TAF1B: variants seen among roughly 807,000 people sequenced by gnomAD.
TAF1B encodes TATA box-binding protein-associated factor RNA polymerase I subunit B.
In TAF1B, 61 loss-of-function variants were observed where a neutral mutation model predicts 83.9. That is an observed-to-expected ratio of 0.73 (90% CI 0.59 to 0.90). TAF1B has a LOEUF of 0.90. Ranked by LOEUF, TAF1B falls within the 40% of genes least tolerant of loss-of-function variation. The pLI is 0.00. For synonymous variants in TAF1B, 221 were observed against 224.6 expected (o/e 0.98, Z 0.14); for missense variants, 625 against 677.0 (o/e 0.92, Z 0.85).
chr2:9,856,674 T>C (rs1420102602), intron 5 of TAF1B, among the ~76,000 whole-genome samples: 1 of 152,222 alleles, frequency 6.6e-6, no homozygotes, highest in African/African-American at 2.4e-5. Flanking sequence ...CTCTGACATT[T>C]AAATATTTTT....
intron 8 of TAF1B, among the ~76,000 whole-genome samples, chr2:9,903,218 T>C (rs1436128170): frequency 6.6e-6 from 1 of 152,132 alleles, no homozygotes; most frequent in Middle Eastern, 3.2e-3. Flanking sequence ...CCCAAGTAGC[T>C]GGGACTACAG....
At chr2:9,927,713 G>A (rs1196266484) in intron 14 of TAF1B, among the ~76,000 whole-genome samples, 1 of 151,962 alleles carries the variant, frequency 6.6e-6, no homozygotes, top group Non-Finnish European at 1.5e-5. Context: ...CTTTTTGATG[G>A]GGTTGTTTTT....
rs751065285 is a variant in TAF1B at position 9,875,906 on chromosome 2, TCA to T, written c.598_599del (p.Gln200ThrfsTer39). ...CSGSLDGVEY[S>X]QRKEKGIVKM... ...TGGATCTCTGGATGGAGTTGAATAC[TCA>T]CAACGAAAGGAGAAGGGAATCGTGA... On this transcript the variant is annotated frameshift_variant, in exon 7 of 15. Coordinates refer to ENST00000263663, the MANE Select transcript of TAF1B (RefSeq NM_005680.3). LOFTEE classifies it high-confidence loss of function. 6.2e-7 allele frequency: 1 copy of T among 1,612,534 alleles called. No individual in the cohort carries two copies. Among genetic ancestry groups the T allele is most frequent in the Admixed American group, 1.7e-5 (1 of 60,012 alleles).
chr2:9,933,981 T>C lies in TAF1B; in HGVS notation c.1764T>C (p.His588=), dbSNP rs1304150155. ...CAAGATCCAAGAAAGTGAGACGACA[T>C]TGAGAAAATGAAATAGAAACTTTCT... is the stretch of plus-strand genomic sequence containing the variant. ...KKSRSKKVRR[H] The change falls in exon 15 of 15, where the codon CAT becomes CAC. Residue 588 remains histidine, a synonymous_variant. Coordinates refer to ENST00000263663, the MANE Select transcript of TAF1B (RefSeq NM_005680.3). 6.3e-7 allele frequency: 1 copy of C among 1,585,062 alleles called. No homozygotes were observed. The highest frequency in any genetic ancestry group is 1.4e-5 in the African/African-American group (1 of 73,292).
At chr2:9,849,347 T>C (rs1382193541) in intron 2 of TAF1B, 26 bp from the exon 3 acceptor site, 2 of 1,543,958 alleles carry the variant, frequency 1.3e-6, no homozygotes, top group Admixed American at 2.0e-5. Flanking sequence ...CGATCTTTTT[T>C]AATGGTCTTT....
At chr2:9,921,159 A>G (rs973594058) in intron 14 of TAF1B, among the ~76,000 whole-genome samples, 1 of 152,180 alleles carries the variant, frequency 6.6e-6, no homozygotes, top group Non-Finnish European at 1.5e-5. Flanking sequence ...TGGCACGATA[A>G]TGGCTCACTG....
intron 12 of TAF1B, among the ~76,000 whole-genome samples, chr2:9,918,693 A>T (rs934063600): frequency 3.3e-5 from 5 of 152,292 alleles, no homozygotes; most frequent in Admixed American, 3.3e-4. Flanking sequence ...GACAAAGGCA[A>T]TGAGGAACAG....
At chr2:9,868,220 A>T in intron 5 of TAF1B, 56 bp from the exon 6 acceptor site, 1 of 1,583,706 alleles carries the variant, frequency 6.3e-7, no homozygotes, top group Non-Finnish European at 8.6e-7. Context: ...AGTTCACAGA[A>T]ATTAACTGTT....
chr2:9,926,327 AAGTGGTTG>A (rs1343075542), intron 14 of TAF1B, among the ~76,000 whole-genome samples: 1 of 152,152 alleles, frequency 6.6e-6, no homozygotes. Flanking sequence ...CATATATTGC[AAGTGGTTG>A]ACATGGCTCA....
chr2:9,863,251 G>A (rs1663840423), intron 5 of TAF1B, among the ~76,000 whole-genome samples: 2 of 152,170 alleles, frequency 1.3e-5, no homozygotes, highest in Non-Finnish European at 2.9e-5. Context: ...GATGGAGGAA[G>A]ATCTACCAAG....
chr2:9,861,412 A>T (rs563305165), intron 5 of TAF1B, among the ~76,000 whole-genome samples: 2 of 152,230 alleles, frequency 1.3e-5, no homozygotes, highest in Non-Finnish European at 2.9e-5. Context: ...GGCGCCCGCC[A>T]TTGCCGAGGC....
At chr2:9,856,314 A>T (rs530645637) in intron 5 of TAF1B, among the ~76,000 whole-genome samples, 59 of 152,220 alleles carry the variant, frequency 3.9e-4, no homozygotes, top group African/African-American at 1.3e-3. Flanking sequence ...GAAAAAAAAA[A>T]AAGGCAGGGG....
At chr2:9,866,220 G>C (rs1210358021) in intron 5 of TAF1B, among the ~76,000 whole-genome samples, 13 of 152,076 alleles carry the variant, frequency 8.5e-5, no homozygotes, top group Admixed American at 7.9e-4. Context: ...AATCTACAAT[G>C]AACTCAAACA....
At chr2:9,875,432 T>A (rs1242775603) in intron 6 of TAF1B, among the ~76,000 whole-genome samples, 1 of 152,220 alleles carries the variant, frequency 6.6e-6, no homozygotes, top group African/African-American at 2.4e-5. Flanking sequence ...TTCTTACTGC[T>A]ATGAAGAAAT....
At chr2:9,900,299 C>T (rs1665143792) in intron 8 of TAF1B, among the ~76,000 whole-genome samples, 1 of 152,072 alleles carries the variant, frequency 6.6e-6, no homozygotes, top group South Asian at 2.1e-4. Context: ...TTTGGGAGGC[C>T]AAGGCAGGCA....
In TAF1B at chr2:9,934,095, C is replaced by A; in HGVS notation, c.*111C>A. On this transcript the variant is annotated 3_prime_UTR_variant, in exon 15 of 15. Coordinates refer to ENST00000263663, the MANE Select transcript of TAF1B (RefSeq NM_005680.3). ...AAAATACTGCATATATATGTATAGA[C>A]TCTGACACATATTTACATATATATC... 1.2e-6 allele frequency: 1 copy of A among 831,328 alleles called. No homozygotes were observed. Among genetic ancestry groups the A allele is most frequent in the Non-Finnish European group, 1.8e-6 (1 of 542,192 alleles). 51.5% of individuals were successfully genotyped at this position (831,328 alleles called of 1,614,324 possible).
At chr2:9,845,760 A>G (rs138612079) in intron 2 of TAF1B, 10,967 of 250,978 alleles carry the variant, frequency 0.044, 342 homozygotes, top group Non-Finnish European at 0.062. Flanking sequence ...AGGCAGGTGG[A>G]TCACCTGAGG....
At chr2:9,873,464 A>G (rs982691939) in intron 6 of TAF1B, among the ~76,000 whole-genome samples, 5 of 152,102 alleles carry the variant, frequency 3.3e-5, no homozygotes, top group Admixed American at 2.6e-4. Context: ...ACCACCAACT[A>G]TATGCTGAAA....
Position 9,875,952 on chromosome 2 carries a change from C to G in TAF1B, c.641C>G (p.Thr214Arg). The change falls in exon 7 of 15, where the codon ACA becomes AGA. Residue 214 changes from threonine (T) to arginine (R), a missense_variant. Physicochemically the swap from Thr to Arg is moderately conservative, Grantham distance 71. Coordinates refer to ENST00000263663, the MANE Select transcript of TAF1B (RefSeq NM_005680.3). ...ATCGTGAAGATGACCATGCCACAGA[C>G]ACTTGCCTTCTGTTATCTGTCCTTA... ...KGIVKMTMPQ[T>R]LAFCYLSLLW... 1 of 1,613,704 alleles carries G rather than the reference C, an allele frequency of 6.2e-7. No homozygotes were observed. Among genetic ancestry groups the G allele is most frequent in the Non-Finnish European group, 8.5e-7 (1 of 1,179,716 alleles).
Sources: gnomAD v4.1 joint callset for allele counts (sites outside exome capture counted in the v4.1 genomes callset) on GRCh38, gnomAD v4.1.1 for gene constraint, MANE v1.5 for transcripts, NCBI Gene and HGNC (gene_info 2026-07-23, HGNC 2026-07-21) for gene names.